Variants in QPCT observed in about 807,000 individuals in gnomAD.
QPCT encodes EC.
Under a neutral mutation model 43.4 loss-of-function variants are expected in QPCT, and 44 were observed. That is an observed-to-expected ratio of 1.01 (90% CI 0.80 to 1.30). The LOEUF (loss-of-function observed/expected upper bound fraction) is 1.30, where lower values mean the gene tolerates loss of function less well. Among genes scored for constraint, QPCT ranks in the 50% most tolerant of loss-of-function variants. The pLI is 0.00. For missense variants in QPCT, 526 were observed against 436.5 expected, an observed-to-expected ratio of 1.21 and a Z score of -1.83; for synonymous variants, 168 against 168.4, an observed-to-expected ratio of 1.00 and a Z score of 0.02.
intron 1 of QPCT, among the ~76,000 whole-genome samples, chr2:37,351,805 C>T (rs533648505): frequency 6.6e-6 from 1 of 152,204 alleles, no homozygotes; most frequent in South Asian, 2.1e-4. Context: ...TTGCTTGAAC[C>T]CGGGAGGCAG....
At chr2:37,345,106 T>G (rs1255018635) in intron 1 of QPCT, among the ~76,000 whole-genome samples, 1 of 152,070 alleles carries the variant, frequency 6.6e-6, no homozygotes, top group Non-Finnish European at 1.5e-5. Context: ...TGGGCTGCGG[T>G]CTGATGGGGG....
chr2:37,348,359 A>G (rs995833917), intron 1 of QPCT, among the ~76,000 whole-genome samples: 3 of 152,244 alleles, frequency 2.0e-5, no homozygotes, highest in African/African-American at 7.2e-5. Flanking sequence ...GGCTGCTTGC[A>G]TTTTAGAAAA....
In QPCT at chr2:37,369,766, G is replaced by A. The variant is rs1340171867; in HGVS notation, c.805G>A (p.Glu269Lys). ...NFFPNSARWFERLQAIEHELH... is the reference protein window; with the variant it reads ...NFFPNSARWFKRLQAIEHELH... ...TTTTCCAAACTCAGCCAGGTGGTTC[G>A]AAAGACTTCAAGCAATTGGTAAGCA... Residue 269 changes from glutamate (E) to lysine (K), a missense_variant, in exon 5 of 7, where the codon GAA becomes AAA. Glu to Lys is a moderately conservative substitution (Grantham distance 56). Transcript: ENST00000338415. The A allele has an allele frequency of 2.5e-6, 4 of 1,592,132 alleles. No individual in the cohort carries two copies. The highest frequency in any genetic ancestry group is 1.7e-5 in the Admixed American group (1 of 59,966).
At chr2:37,344,992 G>T (rs1672451274) in intron 1 of QPCT, 141 bp downstream of exon 1, 1 of 1,271,082 alleles carries the variant, frequency 7.9e-7, no homozygotes, top group Non-Finnish European at 1.0e-6. Flanking sequence ...GCCCCACCCG[G>T]CGCCCGGAGG....
chr2:37,369,074 T>C (rs189317462), intron 4 of QPCT, among the ~76,000 whole-genome samples: 17 of 152,318 alleles, frequency 1.1e-4, no homozygotes, highest in Admixed American at 9.8e-4. Flanking sequence ...GGTCTTAATC[T>C]AGTGAGTAGT....
chr2:37,355,204 AT>A (rs957428101), intron 2 of QPCT, among the ~76,000 whole-genome samples: 22 of 152,120 alleles, frequency 1.4e-4, no homozygotes, highest in Non-Finnish European at 2.9e-4. Context: ...CCATTTTAGA[AT>A]TTTTTGAGAA....
intron 1 of QPCT, among the ~76,000 whole-genome samples, chr2:37,350,637 T>C (rs1339387598): frequency 6.6e-6 from 1 of 152,206 alleles, no homozygotes; most frequent in African/African-American, 2.4e-5. Flanking sequence ...GCGGATCTTT[T>C]TGTGGATTTA....
At chr2:37,350,681 T>C (rs1672600848) in intron 1 of QPCT, among the ~76,000 whole-genome samples, 1 of 152,244 alleles carries the variant, frequency 6.6e-6, no homozygotes, top group Non-Finnish European at 1.5e-5. Context: ...GGAAGTCAGC[T>C]GGTTTCTATG....
At chr2:37,346,948 G>A (rs1191471237) in intron 1 of QPCT, among the ~76,000 whole-genome samples, 1 of 151,214 alleles carries the variant, frequency 6.6e-6, no homozygotes, top group Non-Finnish European at 1.5e-5. Context: ...AAATAAAGAT[G>A]TTTCTCTTTC....
At chr2:37,367,476 C>T in intron 4 of QPCT, 68 bp downstream of exon 4, 1 of 1,491,154 alleles carries the variant, frequency 6.7e-7, no homozygotes, top group Non-Finnish European at 9.1e-7. Flanking sequence ...GTTGCAAAAG[C>T]CAAGTAAAGA....
chr2:37,357,946 C>A (rs1426033165), intron 2 of QPCT, among the ~76,000 whole-genome samples: 1 of 152,016 alleles, frequency 6.6e-6, no homozygotes, highest in African/African-American at 2.4e-5. Context: ...TAAGGTCCAT[C>A]CCAGATCTAA....
intron 1 of QPCT, among the ~76,000 whole-genome samples, chr2:37,351,575 C>A (rs1672626611): frequency 6.6e-6 from 1 of 152,172 alleles, no homozygotes; most frequent in Non-Finnish European, 1.5e-5. Context: ...TGAGTTGGCA[C>A]TGTCTAATAG....
At chr2:37,357,097 A>G (rs1294105716) in intron 2 of QPCT, among the ~76,000 whole-genome samples, 1 of 152,226 alleles carries the variant, frequency 6.6e-6, no homozygotes, top group Non-Finnish European at 1.5e-5. Flanking sequence ...AGGTCATCAG[A>G]AATTATGATC....
chr2:37,350,479 G>A (rs1672597401), intron 1 of QPCT, among the ~76,000 whole-genome samples: 1 of 152,168 alleles, frequency 6.6e-6, no homozygotes, highest in African/African-American at 2.4e-5. Context: ...GTTTATCAAG[G>A]AAATATATTT....
At chr2:37,366,397 C>A (rs866455836) in intron 3 of QPCT, among the ~76,000 whole-genome samples, 1 of 152,144 alleles carries the variant, frequency 6.6e-6, no homozygotes, top group South Asian at 2.1e-4. Flanking sequence ...TGGCTGGTGG[C>A]ACATTTTGCC....
Position 37,344,718 on chromosome 2 carries a change from A to G in QPCT, c.-14A>G, listed in dbSNP as rs1337254524. ...AGCGGCCCGGGGAACCCGCTCCCAG[A>G]CAGACTCGGAGAGATGGCAGGCGGA... On this transcript the variant is annotated 5_prime_UTR_variant, in exon 1 of 7. Transcript: ENST00000338415. 1 of 1,595,848 alleles carries G rather than the reference A, an allele frequency of 6.3e-7. No homozygotes were observed. The highest frequency in any genetic ancestry group is 2.3e-5 in the East Asian group (1 of 43,526).
In QPCT at chr2:37,347,164, A is replaced by ATATATATAT. The variant is rs555548922; in HGVS notation, c.120+2313_120+2314insTATATATAT. Among the ~76,000 whole-genome samples, 78 of 29,768 alleles carry ATATATATAT rather than the reference A, an allele frequency of 2.6e-3. 8 individuals carry two copies. The highest frequency in any genetic ancestry group is 0.021 in the Middle Eastern group (1 of 48). 19.5% of individuals were successfully genotyped at this position (29,768 alleles called of 152,430 possible). A position where few individuals can be genotyped will look rare whatever the true frequency, so the allele number is the denominator to read the frequency against. On this transcript the variant is annotated intron_variant, in intron 1 of 6. Coordinates refer to ENST00000338415, the MANE Select transcript of QPCT (RefSeq NM_012413.4). ...GTGTTTTATATATATATATATATAT[A>ATATATATAT]ACATATATATATATAACATATATAT...
At chr2:37,368,773 T>A (rs1673015620) in intron 4 of QPCT, 1 of 446,972 alleles carries the variant, frequency 2.2e-6, no homozygotes, top group South Asian at 1.6e-5. Flanking sequence ...TATTTATCAG[T>A]CCAAATATAT....
intron 2 of QPCT, among the ~76,000 whole-genome samples, chr2:37,356,943 G>T (rs1001420801): frequency 6.6e-6 from 1 of 151,122 alleles, no homozygotes; most frequent in Non-Finnish European, 1.5e-5. Flanking sequence ...GGAGTTGGAG[G>T]TTGCAGTGAG....
Sources: allele counts gnomAD v4.1 joint callset (sites outside exome capture counted in the v4.1 genomes callset), GRCh38; gene constraint gnomAD v4.1.1; transcripts MANE v1.5; gene names NCBI Gene and HGNC (gene_info 2026-07-23, HGNC 2026-07-21).